The following SPOCK3 variants were observed in gnomAD, a reference collection of about 807,000 sequenced individuals.
SPOCK3 encodes SPARC (osteonectin), cwcv and kazal like domains proteoglycan 3.
In SPOCK3, 30 loss-of-function variants were observed where a neutral mutation model predicts 56.6. That is an observed-to-expected ratio of 0.53 (90% CI 0.40 to 0.72). SPOCK3 has a LOEUF of 0.72. Among genes scored for constraint, SPOCK3 ranks in the 30% least tolerant of loss-of-function variants. The pLI is 0.00. For synonymous variants in SPOCK3, 196 were observed against 183.3 expected (o/e 1.07, Z -0.56); for missense variants, 527 against 530.0 (o/e 0.99, Z 0.06).
At chr4:167,094,505 AAAG>A (rs2150314688) in intron 2 of SPOCK3, among the ~76,000 whole-genome samples, 1 of 152,236 alleles carries the variant, frequency 6.6e-6, no homozygotes, top group Admixed American at 6.5e-5. Context: ...ATCAAAAAGT[AAAG>A]AGAAAAAAAT....
intron 2 of SPOCK3, among the ~76,000 whole-genome samples, chr4:167,102,924 A>G (rs979903133): frequency 1.2e-4 from 4 of 32,838 alleles, no homozygotes; most frequent in South Asian, 1.5e-3. Flanking sequence ...AGCTTGCAGA[A>G]AAAAAAAAAA....
At chr4:166,860,802 C>CATATATATATATATATATATATATACAT in intron 6 of SPOCK3, among the ~76,000 whole-genome samples, 1 of 101,938 alleles carries the variant, frequency 9.8e-6, no homozygotes, top group African/African-American at 3.8e-5. Flanking sequence ...CACACAAATT[C>CATATATATATATATATATATATATACAT]ATATATATAT....
intron 6 of SPOCK3, among the ~76,000 whole-genome samples, chr4:166,874,780 CAG>C (rs1732904587): frequency 6.6e-6 from 1 of 152,106 alleles, no homozygotes; most frequent in East Asian, 1.9e-4. Flanking sequence ...TGCAAAATGA[CAG>C]AAATTAGGGC....
At chr4:166,983,971 C>A (rs1746864570) in intron 4 of SPOCK3, among the ~76,000 whole-genome samples, 4 of 151,984 alleles carry the variant, frequency 2.6e-5, no homozygotes, top group Admixed American at 2.0e-4. Context: ...AAAGACCATG[C>A]ATCACGGAAA....
At chr4:166,785,365 A>G (rs1015666115) in intron 7 of SPOCK3, among the ~76,000 whole-genome samples, 2 of 152,110 alleles carry the variant, frequency 1.3e-5, no homozygotes, top group African/African-American at 4.8e-5. Context: ...ATTTTTGACC[A>G]TTTTGTCAAC....
chr4:166,833,654 C>A (rs917255127), intron 6 of SPOCK3, among the ~76,000 whole-genome samples: 2 of 152,168 alleles, frequency 1.3e-5, no homozygotes, highest in African/African-American at 4.8e-5. Flanking sequence ...ATTCCCCATT[C>A]TTTTTTGCCT....
At chr4:167,158,801 T>C (rs1042062653) in intron 2 of SPOCK3, among the ~76,000 whole-genome samples, 2 of 152,018 alleles carry the variant, frequency 1.3e-5, no homozygotes, top group Admixed American at 6.6e-5. Flanking sequence ...TTATAATAGA[T>C]ATCACTTGGG....
chr4:167,092,569 G>T (rs918551332), intron 2 of SPOCK3, among the ~76,000 whole-genome samples: 11 of 152,110 alleles, frequency 7.2e-5, no homozygotes, highest in African/African-American at 2.4e-4. Flanking sequence ...TAGAAATTGA[G>T]AACAATGATA....
intron 4 of SPOCK3, among the ~76,000 whole-genome samples, chr4:166,939,651 A>G (rs1283167072): frequency 6.6e-6 from 1 of 152,198 alleles, no homozygotes. Flanking sequence ...GCTGTAGCAC[A>G]TATAATACAT....
intron 2 of SPOCK3, among the ~76,000 whole-genome samples, chr4:167,128,897 G>A (rs1367073495): frequency 6.6e-6 from 1 of 152,126 alleles, no homozygotes; most frequent in East Asian, 1.9e-4. Context: ...CCAGGGTGAT[G>A]GATGGGGTTT....
At chr4:166,813,896 C>T (rs899695170) in intron 6 of SPOCK3, among the ~76,000 whole-genome samples, 2 of 151,952 alleles carry the variant, frequency 1.3e-5, no homozygotes, top group Non-Finnish European at 2.9e-5. Flanking sequence ...GAGGATAAGG[C>T]ATTGGTTTGC....
At chr4:167,152,063 G>T (rs1428626351) in intron 2 of SPOCK3, among the ~76,000 whole-genome samples, 1 of 152,072 alleles carries the variant, frequency 6.6e-6, no homozygotes, top group Admixed American at 6.5e-5. Flanking sequence ...AAGCCCCAAG[G>T]CAAATTAATA....
intron 7 of SPOCK3, among the ~76,000 whole-genome samples, chr4:166,763,753 T>C (rs1192443548): frequency 6.6e-6 from 1 of 152,126 alleles, no homozygotes; most frequent in Non-Finnish European, 1.5e-5. Flanking sequence ...TAATGATATA[T>C]ACTATAAACC....
At chr4:166,929,349 A>G (rs1028310025) in intron 4 of SPOCK3, among the ~76,000 whole-genome samples, 2 of 152,132 alleles carry the variant, frequency 1.3e-5, no homozygotes, top group African/African-American at 4.8e-5. Flanking sequence ...CATATTCTAA[A>G]TCTTCCCAGA....
chr4:167,115,856 C>T (rs1329079620), intron 2 of SPOCK3, among the ~76,000 whole-genome samples: 1 of 152,022 alleles, frequency 6.6e-6, no homozygotes, highest in Non-Finnish European at 1.5e-5. Context: ...GCTTCCAGAA[C>T]AGAAGTCTGT....
chr4:167,152,165 C>A (rs1172795958), intron 2 of SPOCK3, among the ~76,000 whole-genome samples: 2 of 152,122 alleles, frequency 1.3e-5, no homozygotes, highest in Non-Finnish European at 2.9e-5. Flanking sequence ...TAACACCGTG[C>A]GTCCTAAAGT....
At chr4:166,897,687 G>A (rs1735537320) in intron 5 of SPOCK3, among the ~76,000 whole-genome samples, 1 of 152,114 alleles carries the variant, frequency 6.6e-6, no homozygotes, top group Non-Finnish European at 1.5e-5. Context: ...AGAAATTGCA[G>A]CATCTTGCAA....
At chr4:166,795,411 T>G (rs1355727569) in intron 6 of SPOCK3, among the ~76,000 whole-genome samples, 4 of 152,172 alleles carry the variant, frequency 2.6e-5, no homozygotes, top group Admixed American at 2.6e-4. Context: ...TTTCAGTAAC[T>G]TCCATAAGCC....
intron 2 of SPOCK3, among the ~76,000 whole-genome samples, chr4:167,115,174 A>G (rs185871469): frequency 1.6e-4 from 24 of 152,160 alleles, no homozygotes; most frequent in Admixed American, 4.6e-4. Flanking sequence ...GCTTTGAGAG[A>G]TATTTTTCTT....
Sources: gnomAD v4.1 joint callset for allele counts (sites outside exome capture counted in the v4.1 genomes callset) on GRCh38, gnomAD v4.1.1 for gene constraint, MANE v1.5 for transcripts, NCBI Gene and HGNC (gene_info 2026-07-23, HGNC 2026-07-21) for gene names.